Variants in MID1 observed in about 807,000 individuals in gnomAD.
MID1 encodes midline 1, also known as E3 ubiquitin-protein ligase Midline-1.
MID1 carries 7 observed loss-of-function variants against 40.4 expected under a neutral mutation model. That is an observed-to-expected ratio of 0.17 (90% confidence interval 0.10 to 0.33). The LOEUF is 0.33. MID1 is among the 10% of genes least tolerant of loss of function. The pLI, the probability that MID1 is intolerant of heterozygous loss-of-function variation, is 1.00. For synonymous variants in MID1, 229 were observed against 221.2 expected (o/e 1.04, Z -0.31); for missense variants, 367 against 558.5 (o/e 0.66, Z 3.46).
chrX:10,799,397 A>G (rs1049553882), intron 1 of MID1, among the ~76,000 whole-genome samples: 23 of 112,394 alleles, frequency 2.0e-4, no homozygotes, highest in African/African-American at 7.4e-4. Flanking sequence ...AATGAGGGAC[A>G]ACAAATACTT....
chrX:10,635,839 G>A (rs777938402), intron 1 of MID1, among the ~76,000 whole-genome samples: 1 of 112,039 alleles, frequency 8.9e-6, no homozygotes, highest in South Asian at 3.7e-4. Flanking sequence ...ATTTTTGACA[G>A]GCTGGTCATT....
intron 2 of MID1, among the ~76,000 whole-genome samples, chrX:10,540,603 A>T (rs1933430878): frequency 9.0e-6 from 1 of 111,481 alleles, no homozygotes; most frequent in African/African-American, 3.3e-5. Context: ...TCTAAGTTGG[A>T]TGTGCACTGT....
intron 1 of MID1, among the ~76,000 whole-genome samples, chrX:10,724,504 A>G (rs191856623): frequency 1.8e-5 from 2 of 112,013 alleles, no homozygotes; most frequent in Non-Finnish European, 3.8e-5. Flanking sequence ...AGAATTGATT[A>G]TAGCATATGC....
chrX:10,589,608 C>G (rs1464214073), intron 1 of MID1: 2 of 111,792 alleles, frequency 1.8e-5, no homozygotes, highest in African/African-American at 6.5e-5. Flanking sequence ...TGTCTGGACT[C>G]CAAGTGCCAG....
intron 2 of MID1, among the ~76,000 whole-genome samples, chrX:10,558,001 C>T (rs11095539): frequency 0.012 from 1,358 of 109,317 alleles, 24 homozygotes; most frequent in African/African-American, 0.043. Context: ...ACACAGTAAC[C>T]CTATCCATTC....
upstream of MID1, among the ~76,000 whole-genome samples, chrX:10,623,083 C>CAAAAAAAAAAAAAAAAAAAAA (rs763054366): frequency 3.1e-5 from 1 of 32,515 alleles, no homozygotes; most frequent in Non-Finnish European, 6.3e-5. Context: ...GCTGTCTCTA[C>CAAAAAAAAAAAAAAAAAAAAA]AAAAAAAAAA....
chrX:10,811,837 TAC>T (rs1199895734), intron 1 of MID1, among the ~76,000 whole-genome samples: 1 of 112,099 alleles, frequency 8.9e-6, no homozygotes, highest in Non-Finnish European at 1.9e-5. Flanking sequence ...GGCAATTTAA[TAC>T]ATTTTTTCAT....
At chrX:10,636,834 A>G in intron 1 of MID1, among the ~76,000 whole-genome samples, 1 of 86,413 alleles carries the variant, frequency 1.2e-5, no homozygotes, top group Admixed American at 1.3e-4. Flanking sequence ...CTGGTGACTG[A>G]CACCTGAAAT....
chrX:10,598,836 C>G lies in MID1; in HGVS notation c.-57+21454G>C, dbSNP rs538970518. The stretch of plus-strand genomic sequence containing the variant: ...AGCTCGATTTCAGTCTTGTGAGACC[C>G]TGAGCAGAGAACACAGCTGGGCCAC... On this transcript the variant is annotated intron_variant, in intron 1 of 9. Coordinates refer to ENST00000317552, the MANE Select transcript of MID1 (RefSeq NM_000381.4). Among the ~76,000 whole-genome samples, 15 of 112,091 alleles carry G rather than the reference C, an allele frequency of 1.3e-4. No homozygotes were observed. In the South Asian group the frequency reaches 5.2e-3, roughly 39 times the overall value.
rs181752919 is a variant in MID1, at chrX:10,763,252, G to T, written c.-187+70302C>A. Among the ~76,000 whole-genome samples, 48 of 108,874 alleles carry T rather than the reference G, an allele frequency of 4.4e-4. No homozygotes were observed. The East Asian group carries it at 0.014, about 31-fold the overall frequency. The allele number at this position is 108,874 out of a possible 115,157, so 94.5% of individuals were successfully genotyped here. Reference sequence around the variant, plus strand: ...ATATGTATACATGTGCCATGTTAGTGTGCTGCACCCATCAACCCGTCATCT... The same window carrying T: ...ATATGTATACATGTGCCATGTTAGTTTGCTGCACCCATCAACCCGTCATCT... On this transcript the variant is annotated intron_variant, in intron 1 of 10. Transcript: ENST00000380785.
At chrX:10,461,862 T>C (rs1252015261) in intron 7 of MID1, among the ~76,000 whole-genome samples, 2 of 112,027 alleles carry the variant, frequency 1.8e-5, no homozygotes, top group Non-Finnish European at 3.8e-5. Context: ...ATGACTATTG[T>C]GGTCAAAGAA....
chrX:10,652,675 G>A (rs1156520822), intron 1 of MID1, among the ~76,000 whole-genome samples: 5 of 111,557 alleles, frequency 4.5e-5, no homozygotes, highest in Non-Finnish European at 9.4e-5. Context: ...CTGTGACCTA[G>A]TCCTCTCCCA....
At chrX:10,661,344 G>A (rs12012146) in intron 1 of MID1, among the ~76,000 whole-genome samples, 2,934 of 104,904 alleles carry the variant, frequency 0.028, 53 homozygotes, top group African/African-American at 0.062. Flanking sequence ...ATGGAGTCTC[G>A]CTCTGCTGCC....
intron 1 of MID1, among the ~76,000 whole-genome samples, chrX:10,616,647 G>A (rs1460553048): frequency 2.7e-5 from 3 of 112,224 alleles, no homozygotes; most frequent in Admixed American, 9.4e-5. Flanking sequence ...ACCAATTAAC[G>A]GATTTGCTTG....
At chrX:10,785,880 G>A (rs1029509210) in intron 1 of MID1, among the ~76,000 whole-genome samples, 2 of 111,819 alleles carry the variant, frequency 1.8e-5, no homozygotes, top group Non-Finnish European at 3.8e-5. Context: ...GAAAACCTAG[G>A]TATTACCATT....
chrX:10,761,555 T>C (rs2043678111), intron 1 of MID1, among the ~76,000 whole-genome samples: 1 of 112,056 alleles, frequency 8.9e-6, no homozygotes, highest in Non-Finnish European at 1.9e-5. Flanking sequence ...GAAGTGACAG[T>C]GTACCTATCC....
chrX:10,485,210 T>C (rs1366018576), intron 4 of MID1, among the ~76,000 whole-genome samples: 3 of 111,946 alleles, frequency 2.7e-5, no homozygotes, highest in Non-Finnish European at 5.6e-5. Context: ...TATCTGGCCC[T>C]TGACAGAAAA....
intron 1 of MID1, among the ~76,000 whole-genome samples, chrX:10,675,662 T>C (rs1476688430): frequency 8.9e-6 from 1 of 111,738 alleles, no homozygotes; most frequent in African/African-American, 3.2e-5. Context: ...TGTGTATACA[T>C]ATACATTTTA....
At chrX:10,632,966 G>A (rs1002763945) in intron 1 of MID1, among the ~76,000 whole-genome samples, 5 of 111,708 alleles carry the variant, frequency 4.5e-5, no homozygotes, top group African/African-American at 1.6e-4. Context: ...AACTGCACAG[G>A]TTGTATGCCC....
Sources: allele counts gnomAD v4.1 joint callset (sites outside exome capture counted in the v4.1 genomes callset), GRCh38; gene constraint gnomAD v4.1.1; transcripts MANE v1.5; gene names NCBI Gene and HGNC (gene_info 2026-07-23, HGNC 2026-07-21).